Variants in TRAPPC9 observed in about 807,000 individuals in gnomAD.
The protein encoded by TRAPPC9 is IKK2 binding protein.
TRAPPC9 carries 83 observed loss-of-function variants against 124.0 expected under a neutral mutation model. The observed-to-expected ratio is 0.67, with a 90% CI of 0.56 to 0.80. TRAPPC9 has a LOEUF of 0.80. Ranked by LOEUF, TRAPPC9 falls within the 30% of genes least tolerant of loss-of-function variation. The pLI is 0.00. For missense variants in TRAPPC9, 1,302 were observed against 1,508.3 expected, an observed-to-expected ratio of 0.86 and a Z score of 2.27; for synonymous variants, 638 against 617.5, an observed-to-expected ratio of 1.03 and a Z score of -0.49.
At chr8:140,108,009 A>G (rs1286021292) in intron 17 of TRAPPC9, among the ~76,000 whole-genome samples, 1 of 149,908 alleles carries the variant, frequency 6.7e-6, no homozygotes, top group Non-Finnish European at 1.5e-5. Context: ...ACATATATGC[A>G]TGTAGATATG....
intron 20 of TRAPPC9, among the ~76,000 whole-genome samples, chr8:139,906,555 G>A (rs1017957728): frequency 1.3e-5 from 2 of 152,082 alleles, no homozygotes; most frequent in African/African-American, 4.8e-5. Context: ...CATAGGGGAG[G>A]GGCAGGAGGG....
chr8:140,101,877 T>TC (rs955749146), intron 17 of TRAPPC9, among the ~76,000 whole-genome samples: 2 of 152,020 alleles, frequency 1.3e-5, no homozygotes, highest in African/African-American at 4.8e-5. Flanking sequence ...CCTTTTTTTT[T>TC]TTCTTTTTGG....
At chr8:140,361,239 A>G (rs1347167698) in intron 8 of TRAPPC9, among the ~76,000 whole-genome samples, 3 of 152,258 alleles carry the variant, frequency 2.0e-5, no homozygotes, top group Admixed American at 6.5e-5. Context: ...CTGAGAACAC[A>G]ATACTGTGCA....
chr8:139,747,112 T>A (rs1342878625), intron 21 of TRAPPC9, among the ~76,000 whole-genome samples: 1 of 152,222 alleles, frequency 6.6e-6, no homozygotes, highest in Non-Finnish European at 1.5e-5. Context: ...GCAATGTCTC[T>A]ACCTTTTCAA....
chr8:140,073,682 T>C (rs1170334650), intron 17 of TRAPPC9, among the ~76,000 whole-genome samples: 1 of 152,178 alleles, frequency 6.6e-6, no homozygotes, highest in Non-Finnish European at 1.5e-5. Flanking sequence ...AGCTTTACCT[T>C]GAAATAAAGT....
intron 7 of TRAPPC9, among the ~76,000 whole-genome samples, chr8:140,394,117 T>G (rs1175157689): frequency 6.6e-6 from 1 of 152,222 alleles, no homozygotes; most frequent in Non-Finnish European, 1.5e-5. Context: ...ATGAAATGTG[T>G]GTTTCTATAC....
chr8:140,221,804 ATTTTTGTATT>A (rs1349209423), intron 16 of TRAPPC9, among the ~76,000 whole-genome samples: 1 of 152,026 alleles, frequency 6.6e-6, no homozygotes, highest in African/African-American at 2.4e-5. Flanking sequence ...CACCTGGCTA[ATTTTTGTATT>A]TTTGGTAGAG....
At chr8:139,747,535 T>A (rs1374049784) in intron 21 of TRAPPC9, among the ~76,000 whole-genome samples, 1 of 87,002 alleles carries the variant, frequency 1.1e-5, no homozygotes, top group African/African-American at 4.7e-5. Context: ...ACAGCAGGAG[T>A]CAGAGCAGGT....
intron 5 of TRAPPC9, among the ~76,000 whole-genome samples, chr8:140,406,914 T>C (rs2132438360): frequency 6.6e-6 from 1 of 152,152 alleles, no homozygotes; most frequent in Non-Finnish European, 1.5e-5. Flanking sequence ...AAAGAATAGA[T>C]CCAAATCAGC....
intron 9 of TRAPPC9, among the ~76,000 whole-genome samples, chr8:140,345,482 T>G (rs1188190154): frequency 6.6e-6 from 1 of 152,072 alleles, no homozygotes; most frequent in Non-Finnish European, 1.5e-5. Context: ...AAAACCAGCA[T>G]GCATTTGAGA....
intron 21 of TRAPPC9, among the ~76,000 whole-genome samples, chr8:139,806,548 C>G (rs1370226000): frequency 2.0e-5 from 3 of 152,218 alleles, no homozygotes; most frequent in African/African-American, 7.2e-5. Context: ...CCCAGAGCAG[C>G]TCCCCAAGGG....
intron 17 of TRAPPC9, among the ~76,000 whole-genome samples, chr8:140,047,483 G>A (rs919325665): frequency 1.3e-5 from 2 of 152,204 alleles, no homozygotes; most frequent in South Asian, 4.1e-4. Context: ...CCAGAGGAGA[G>A]GCTGAGAGAA....
At chr8:139,896,680 A>G (rs1209973135) in intron 20 of TRAPPC9, among the ~76,000 whole-genome samples, 1 of 152,188 alleles carries the variant, frequency 6.6e-6, no homozygotes, top group Non-Finnish European at 1.5e-5. Context: ...GTAAACCTGG[A>G]AACCAGGAGC....
chr8:140,250,897 T>C (rs1275354066), intron 16 of TRAPPC9, among the ~76,000 whole-genome samples: 2 of 152,156 alleles, frequency 1.3e-5, no homozygotes, highest in East Asian at 1.9e-4. Context: ...TTTTAAAAGA[T>C]AGAAGAAGGT....
intron 21 of TRAPPC9, among the ~76,000 whole-genome samples, chr8:139,743,755 AG>A (rs1392266509): frequency 6.6e-6 from 1 of 152,234 alleles, no homozygotes; most frequent in African/African-American, 2.4e-5. Context: ...GGTGGGGGGC[AG>A]GCAGGCACAT....
chr8:140,017,972 T>C (rs1161183392), intron 18 of TRAPPC9, among the ~76,000 whole-genome samples: 1 of 152,112 alleles, frequency 6.6e-6, no homozygotes, highest in Non-Finnish European at 1.5e-5. Flanking sequence ...GCCTCCCAAG[T>C]AGCTGGGACT....
At chr8:140,382,067 C>T (rs1227446006) in intron 7 of TRAPPC9, among the ~76,000 whole-genome samples, 1 of 152,162 alleles carries the variant, frequency 6.6e-6, no homozygotes, top group East Asian at 1.9e-4. Flanking sequence ...AGGGTGGAAA[C>T]AACCTAAAGT....
At chr8:140,247,601 G>A (rs1283956363) in intron 16 of TRAPPC9, among the ~76,000 whole-genome samples, 2 of 151,766 alleles carry the variant, frequency 1.3e-5, no homozygotes, top group Admixed American at 1.3e-4. Flanking sequence ...GTGAATTATA[G>A]TTTTTAACAT....
At chr8:140,366,834 A>C (rs2068125529) in intron 8 of TRAPPC9, among the ~76,000 whole-genome samples, 1 of 152,222 alleles carries the variant, frequency 6.6e-6, no homozygotes, top group African/African-American at 2.4e-5. Context: ...ACAACTGATA[A>C]AGGACTGTCA....
Sources: allele counts gnomAD v4.1 joint callset (sites outside exome capture counted in the v4.1 genomes callset), GRCh38; gene constraint gnomAD v4.1.1; transcripts MANE v1.5; gene names NCBI Gene and HGNC (gene_info 2026-07-23, HGNC 2026-07-21).